ZNF44: variants seen among roughly 807,000 people sequenced by gnomAD.
ZNF44 encodes zinc finger protein 44, also known as gonadotropin inducible transcription repressor-2.
ZNF44 carries 9 observed loss-of-function variants against 11.7 expected under a neutral mutation model. That is an observed-to-expected ratio of 0.77 (90% confidence interval 0.46 to 1.35). The LOEUF (loss-of-function observed/expected upper bound fraction) is 1.35. ZNF44 is among the 40% of genes most tolerant of loss of function. ZNF44 has a pLI of 0.00. For missense variants in ZNF44, 696 were observed against 743.1 expected (o/e 0.94, Z 0.74); for synonymous variants, 224 against 242.7 (o/e 0.92, Z 0.72).
chr19:12,285,814 C>T (rs766605260), intron 1 of ZNF44, among the ~76,000 whole-genome samples: 52 of 151,976 alleles, frequency 3.4e-4, no homozygotes, highest in Non-Finnish European at 5.9e-4. Flanking sequence ...GTCAGGAGAT[C>T]GAGACCATCC....
chr19:12,255,327 A>C (rs879862278), intron 5 of ZNF44, among the ~76,000 whole-genome samples: 1 of 152,206 alleles, frequency 6.6e-6, no homozygotes, highest in Non-Finnish European at 1.5e-5. Flanking sequence ...GAAATAAAAA[A>C]AAAATCAAAA....
rs776186228 is a variant in ZNF44 at position 12,272,205 on chromosome 19, A to G, written c.*202T>C. 1.7e-5 allele frequency: 14 copies of G among 801,234 alleles called. No individual in the cohort carries two copies. Among genetic ancestry groups the G allele is most frequent in the Non-Finnish European group, 1.5e-5 (9 of 592,978 alleles). 49.6% of individuals were successfully genotyped at this position (801,234 alleles called of 1,614,324 possible). ...ATTTTTAGTAGAGACAGGGTTTCCCATGTTAGCCAGGCTGGTCTCGATCTC... is the reference window on the plus strand; with the variant it reads ...ATTTTTAGTAGAGACAGGGTTTCCCGTGTTAGCCAGGCTGGTCTCGATCTC... On this transcript the variant is annotated 3_prime_UTR_variant, in exon 4 of 4. Transcript: ENST00000355684.
rs755504327 is a variant in ZNF44, at chr19:12,274,073, A to G, written c.192-10T>C. 3 of 1,588,746 alleles carry G rather than the reference A, an allele frequency of 1.9e-6. No homozygotes were observed. Among genetic ancestry groups the G allele is most frequent in the South Asian group, 1.1e-5 (1 of 87,580 alleles). ...CTCTACCACATCACACCTGTAAAAA[A>G]TGAAAAGTACATTACTAAAGGTTTA... On this transcript the variant is annotated splice_polypyrimidine_tract_variant and intron_variant, in intron 3 of 3. Transcript: ENST00000355684.
In ZNF44 at chr19:12,273,443, T is replaced by C. The variant is rs1967063082; in HGVS notation, c.812A>G (p.His271Arg). Residue 271 changes from histidine (H) to arginine (R), a missense_variant, in exon 4 of 4, where the codon CAT (histidine) becomes CGT (arginine). Coordinates refer to ENST00000355684, the MANE Select transcript of ZNF44 (RefSeq NM_016264.4). ...AFPDYSSYLR[H>R]ERTHTGEKPY... is the part of the protein sequence containing the mutation. ...TTTCTCTCCAGTGTGAGTTCTTTCA[T>C]GTCTTAGATATGAACTGTAATCAGG... 2 of 1,614,046 alleles carry C rather than the reference T, an allele frequency of 1.2e-6. No homozygotes were observed. Among genetic ancestry groups the C allele is most frequent in the East Asian group, 2.2e-5 (1 of 44,892 alleles).
intron 5 of ZNF44, among the ~76,000 whole-genome samples, chr19:12,258,451 T>C (rs923548796): frequency 3.3e-5 from 5 of 151,928 alleles, no homozygotes; most frequent in Non-Finnish European, 2.9e-5. Context: ...TCAATTTACA[T>C]TGAGTCATAT....
At chr19:12,253,952 C>A (rs1488343836) in intron 5 of ZNF44, among the ~76,000 whole-genome samples, 1 of 152,126 alleles carries the variant, frequency 6.6e-6, no homozygotes, top group African/African-American at 2.4e-5. Context: ...GCACTCCAGC[C>A]TGGGTGACAC....
intron 7 of ZNF44, among the ~76,000 whole-genome samples, chr19:12,249,391 A>C (rs1333821684): frequency 6.7e-6 from 1 of 150,182 alleles, no homozygotes; most frequent in Non-Finnish European, 1.5e-5. Flanking sequence ...CTGTAGTCCC[A>C]GCTACTCGGG....
downstream of ZNF44, among the ~76,000 whole-genome samples, chr19:12,270,132 T>C (rs1966903929): frequency 6.6e-6 from 1 of 152,072 alleles, no homozygotes; most frequent in East Asian, 1.9e-4. Context: ...ATATTGATCA[T>C]TGTTGTGTGA....
upstream of ZNF44, among the ~76,000 whole-genome samples, chr19:12,242,246 G>T (rs978605100): frequency 6.6e-6 from 1 of 151,826 alleles, no homozygotes; most frequent in African/African-American, 2.4e-5. Flanking sequence ...GGTGGCTCAC[G>T]CCTGTAATCC....
chr19:12,242,178 AC>A (rs1246350197), upstream of ZNF44, among the ~76,000 whole-genome samples: 1 of 152,140 alleles, frequency 6.6e-6, no homozygotes, highest in Non-Finnish European at 1.5e-5. Context: ...TGGCATACTT[AC>A]AATGGTAAAT....
intron 2 of ZNF44, chr19:12,234,655 T>C (rs1363426493): frequency 6.6e-6 from 1 of 152,030 alleles, no homozygotes; most frequent in African/African-American, 2.4e-5. Context: ...AGGAAAAAAA[T>C]AGTATCCTCA....
chr19:12,230,771 C>G (rs1442009432), intron 2 of ZNF44, among the ~76,000 whole-genome samples: 2 of 152,152 alleles, frequency 1.3e-5, no homozygotes. Context: ...TAGAAAAAAC[C>G]TGAGAGGGGC....
rs759160812 is a variant in ZNF44, at chr19:12,233,868, C to G, written n.380+799G>C. ...CATGAGGTCAGGAGTTCGAGACCAGCCTGACCAACATGATAAAACCCTGTC... is the reference window on the plus strand; with the variant it reads ...CATGAGGTCAGGAGTTCGAGACCAGGCTGACCAACATGATAAAACCCTGTC... On this transcript the variant is annotated intron_variant and non_coding_transcript_variant, in intron 2 of 3. Transcript: ENST00000597563. Among the ~76,000 whole-genome samples, 93 of 152,142 alleles carry G rather than the reference C, an allele frequency of 6.1e-4. 1 individual carries two copies. The highest frequency in any genetic ancestry group is 7.2e-4 in the Non-Finnish European group (49 of 68,008).
intron 5 of ZNF44, among the ~76,000 whole-genome samples, chr19:12,253,403 T>G (rs1917106774): frequency 6.6e-6 from 1 of 151,920 alleles, no homozygotes; most frequent in Non-Finnish European, 1.5e-5. Flanking sequence ...TTGGCCAGGC[T>G]GGTCTCAAAC....
At chr19:12,285,311 A>C (rs1967685496) in intron 1 of ZNF44, 3 of 220,154 alleles carry the variant, frequency 1.4e-5, no homozygotes, top group Non-Finnish European at 2.7e-5. Context: ...GCTGGAGTGC[A>C]AAGACGCGAT....
At chr19:12,284,360 G>A in intron 1 of ZNF44, 5 of 574,214 alleles carry the variant, frequency 8.7e-6, no homozygotes, top group Non-Finnish European at 1.3e-5. Context: ...CAGGTGCAGC[G>A]CGGGGGTCCA....
downstream of ZNF44, chr19:12,247,421 T>C: frequency 7.6e-7 from 1 of 1,320,174 alleles, no homozygotes; most frequent in Non-Finnish European, 1.0e-6. Flanking sequence ...TGAAGGGTTT[T>C]CCACATTCTT....
rs532686870 is a variant in ZNF44, at chr19:12,231,096, G to A, written n.381-581C>T. On this transcript the variant is annotated intron_variant and non_coding_transcript_variant, in intron 2 of 3. Transcript: ENST00000597563. ...CTTTTAAAATGAGGTGCTTGTCCACGATGGTGATGCTTCTACTCGGTCACC... is the reference window on the plus strand; with the variant it reads ...CTTTTAAAATGAGGTGCTTGTCCACAATGGTGATGCTTCTACTCGGTCACC... 7.9e-5 allele frequency among the ~76,000 whole-genome samples: 12 copies of A among 152,240 alleles called. No homozygotes were observed. In the South Asian group the frequency reaches 1.0e-3, roughly 13 times the overall value.
At chr19:12,253,040 A>C (rs1917084667) in intron 5 of ZNF44, among the ~76,000 whole-genome samples, 1 of 151,820 alleles carries the variant, frequency 6.6e-6, no homozygotes, top group East Asian at 1.9e-4. Flanking sequence ...GGCGTGTGCC[A>C]CCACACCCAG....
Sources: gnomAD v4.1 joint callset for allele counts (sites outside exome capture counted in the v4.1 genomes callset) on GRCh38, gnomAD v4.1.1 for gene constraint, MANE v1.5 for transcripts, NCBI Gene and HGNC (gene_info 2026-07-23, HGNC 2026-07-21) for gene names.